The following MRTFA variants were observed in gnomAD, a reference collection of about 807,000 sequenced individuals.
The protein encoded by MRTFA is myocardin related transcription factor A, also known as myocardin-related transcription factor A.
A neutral mutation model predicts 83.5 loss-of-function variants in MRTFA; 20 were observed. That is an observed-to-expected ratio of 0.24 (90% CI 0.17 to 0.35). The LOEUF (loss-of-function observed/expected upper bound fraction) is 0.35. MRTFA is among the 10% of genes least tolerant of loss of function. The pLI is 1.00. For synonymous variants in MRTFA, 659 were observed against 541.2 expected, an observed-to-expected ratio of 1.22 and a Z score of -3.02; for missense variants, 1,200 against 1,224.7, an observed-to-expected ratio of 0.98 and a Z score of 0.30.
intron 2 of MRTFA, among the ~76,000 whole-genome samples, chr22:40,577,322 G>C (rs2055882356): frequency 6.6e-6 from 1 of 150,630 alleles, no homozygotes; most frequent in Non-Finnish European, 1.5e-5. Flanking sequence ...AAATATTCCT[G>C]ATATGAGTGT....
At chr22:40,505,544 A>T (rs2054566309) in intron 3 of MRTFA, among the ~76,000 whole-genome samples, 1 of 152,244 alleles carries the variant, frequency 6.6e-6, no homozygotes, top group Non-Finnish European at 1.5e-5. Context: ...AAGTAATGCC[A>T]TGGTTTGAAT....
chr22:40,488,055 A>T (rs770012683), intron 3 of MRTFA, among the ~76,000 whole-genome samples: 29 of 152,244 alleles, frequency 1.9e-4, no homozygotes, highest in Non-Finnish European at 4.0e-4. Context: ...ATAATAGAGA[A>T]TATGAGAAAT....
At position 40,439,783 on chromosome 22, in the gene MRTFA, G is replaced by C. The variant is rs569950680; in HGVS notation, c.308-4229C>G. 4.6e-5 allele frequency among the ~76,000 whole-genome samples: 7 copies of C among 152,296 alleles called. No individual in the cohort carries two copies. In the South Asian group the frequency reaches 8.3e-4, roughly 18 times the overall value. On this transcript the variant is annotated intron_variant, in intron 4 of 14. Coordinates refer to ENST00000355630, the MANE Select transcript of MRTFA (RefSeq NM_020831.6). ...TCACCACGTAACAGCCTTTGGCACT[G>C]ATACTAGAAGACAAGTTGGAGAAGC...
At chr22:40,502,305 G>A (rs1213079760) in intron 3 of MRTFA, among the ~76,000 whole-genome samples, 9 of 125,798 alleles carry the variant, frequency 7.2e-5, no homozygotes, top group South Asian at 5.6e-4. Context: ...CTTCTCAGAC[G>A]GGGTGGTTGC....
At chr22:40,459,782 TACAC>T (rs745698441) in intron 4 of MRTFA, among the ~76,000 whole-genome samples, 6,087 of 88,960 alleles carry the variant, frequency 0.068, 358 homozygotes, top group Non-Finnish European at 0.078. Flanking sequence ...TGATAAAATA[TACAC>T]ACACACACAC....
chr22:40,582,289 T>G (rs774317614), intron 2 of MRTFA, among the ~76,000 whole-genome samples: 9 of 152,258 alleles, frequency 5.9e-5, no homozygotes, highest in Admixed American at 1.3e-4. Context: ...ACTGTATAGA[T>G]ATACCACATT....
intron 4 of MRTFA, among the ~76,000 whole-genome samples, chr22:40,443,396 TA>T (rs1270912539): frequency 6.6e-6 from 1 of 152,030 alleles, no homozygotes; most frequent in Non-Finnish European, 1.5e-5. Context: ...CAAGCAAAAG[TA>T]GATACTGTAA....
At chr22:40,558,774 T>G (rs563474252) in intron 2 of MRTFA, among the ~76,000 whole-genome samples, 46 of 146,660 alleles carry the variant, frequency 3.1e-4, no homozygotes, top group Non-Finnish European at 5.2e-4. Flanking sequence ...TTGGTTTTTG[T>G]TTTTTTTGGG....
intron 1 of MRTFA, among the ~76,000 whole-genome samples, chr22:40,603,949 T>C (rs1457515417): frequency 6.6e-6 from 1 of 151,790 alleles, no homozygotes; most frequent in East Asian, 1.9e-4. Context: ...AGGCCCATGG[T>C]GGTGGTTCAT....
At chr22:40,466,221 C>T (rs928204052) in intron 3 of MRTFA, among the ~76,000 whole-genome samples, 1 of 152,186 alleles carries the variant, frequency 6.6e-6, no homozygotes, top group Admixed American at 6.5e-5. Context: ...AGATCAGCAA[C>T]AATAATTGCA....
chr22:40,619,545 T>A (rs1185441599), intron 1 of MRTFA, among the ~76,000 whole-genome samples: 1 of 152,158 alleles, frequency 6.6e-6, no homozygotes, highest in Non-Finnish European at 1.5e-5. Context: ...GGTTTCTTCT[T>A]GTTATTTGCA....
At chr22:40,502,131 G>C (rs1242942598) in intron 3 of MRTFA, among the ~76,000 whole-genome samples, 5 of 98,048 alleles carry the variant, frequency 5.1e-5, no homozygotes, top group Non-Finnish European at 4.5e-5. Context: ...CTCACCTCCC[G>C]GACGGGGCGG....
At chr22:40,425,478 G>A (rs189693578) in intron 7 of MRTFA, among the ~76,000 whole-genome samples, 17 of 152,356 alleles carry the variant, frequency 1.1e-4, no homozygotes, top group East Asian at 3.9e-4. Flanking sequence ...TCCTTGCAGT[G>A]GCTCTCCTAG....
chr22:40,572,706 G>C (rs890520946), intron 2 of MRTFA, among the ~76,000 whole-genome samples: 1 of 152,188 alleles, frequency 6.6e-6, no homozygotes, highest in African/African-American at 2.4e-5. Flanking sequence ...AATCACAGCA[G>C]AAGGCAACGA....
intron 3 of MRTFA, among the ~76,000 whole-genome samples, chr22:40,539,951 C>A (rs1437007257): frequency 2.7e-5 from 4 of 148,142 alleles, no homozygotes; most frequent in Non-Finnish European, 3.0e-5. Flanking sequence ...ACTCTGTTGC[C>A]CAGACAAGAG....
At chr22:40,503,269 G>A (rs2054526963) in intron 3 of MRTFA, among the ~76,000 whole-genome samples, 1 of 152,206 alleles carries the variant, frequency 6.6e-6, no homozygotes. Context: ...AAGTGGTTCA[G>A]ATGTCACCAG....
chr22:40,427,188 C>T (rs2052972219), intron 7 of MRTFA, among the ~76,000 whole-genome samples: 1 of 152,210 alleles, frequency 6.6e-6, no homozygotes, highest in Non-Finnish European at 1.5e-5. Context: ...GGCTTGGCCC[C>T]TACACTGGCC....
At chr22:40,453,760 G>T (rs1334242933) in intron 4 of MRTFA, among the ~76,000 whole-genome samples, 1 of 152,152 alleles carries the variant, frequency 6.6e-6, no homozygotes, top group Non-Finnish European at 1.5e-5. Flanking sequence ...AAATAGGAGT[G>T]GGGATGGAGG....
chr22:40,585,510 T>G (rs1470534647), intron 2 of MRTFA, among the ~76,000 whole-genome samples: 1 of 152,144 alleles, frequency 6.6e-6, no homozygotes, highest in African/African-American at 2.4e-5. Context: ...TTGCATAACA[T>G]TATGAATGTA....
Sources: gnomAD v4.1 joint callset for allele counts (sites outside exome capture counted in the v4.1 genomes callset) on GRCh38, gnomAD v4.1.1 for gene constraint, MANE v1.5 for transcripts, NCBI Gene and HGNC (gene_info 2026-07-23, HGNC 2026-07-21) for gene names.